CACHD1: variants seen among roughly 807,000 people sequenced by gnomAD.
CACHD1 encodes the protein VWFA and cache domain-containing protein 1.
A neutral mutation model predicts 138.7 loss-of-function variants in CACHD1; 71 were observed. That is an observed-to-expected ratio of 0.51 (90% CI 0.42 to 0.62). The LOEUF (loss-of-function observed/expected upper bound fraction) is 0.62, where lower values mean the gene tolerates loss of function less well. CACHD1 is among the 20% of genes least tolerant of loss of function. The pLI is 0.00. For synonymous variants in CACHD1, 578 were observed against 591.5 expected (o/e 0.98, Z 0.33); for missense variants, 1,389 against 1,625.3 (o/e 0.85, Z 2.50).
intron 4 of CACHD1, among the ~76,000 whole-genome samples, chr1:64,624,716 C>T (rs1648037067): frequency 6.6e-6 from 1 of 152,186 alleles, no homozygotes; most frequent in Non-Finnish European, 1.5e-5. Flanking sequence ...AACAAGCTCC[C>T]TGAGCCTGTT....
intron 1 of CACHD1, among the ~76,000 whole-genome samples, chr1:64,483,367 A>T (rs1646222157): frequency 6.6e-6 from 1 of 152,168 alleles, no homozygotes; most frequent in East Asian, 1.9e-4. Flanking sequence ...TTGAACACAG[A>T]CTATGTGCCA....
intron 1 of CACHD1, among the ~76,000 whole-genome samples, chr1:64,541,945 G>T (rs901833585): frequency 1.3e-5 from 2 of 150,884 alleles, no homozygotes; most frequent in African/African-American, 4.9e-5. Flanking sequence ...AGTCTTAAAG[G>T]ATTAACTATA....
intron 1 of CACHD1, among the ~76,000 whole-genome samples, chr1:64,516,055 AT>A (rs1457428249): frequency 4.6e-5 from 7 of 152,332 alleles, no homozygotes; most frequent in African/African-American, 9.6e-5. Flanking sequence ...TCTGAAAAAA[AT>A]ATTTGTATAT....
intron 1 of CACHD1, among the ~76,000 whole-genome samples, chr1:64,511,386 G>A (rs1646419624): frequency 6.6e-6 from 1 of 152,100 alleles, no homozygotes; most frequent in Admixed American, 6.6e-5. Context: ...TAGCATGCTA[G>A]GATCATGAGA....
chr1:64,659,793 C>T (rs760446953), intron 13 of CACHD1, among the ~76,000 whole-genome samples: 21 of 152,114 alleles, frequency 1.4e-4, no homozygotes, highest in Admixed American at 3.3e-4. Flanking sequence ...CAGTTAATAA[C>T]GAAGAATCAT....
At chr1:64,529,660 T>C (rs1370370728) in intron 1 of CACHD1, among the ~76,000 whole-genome samples, 1 of 152,234 alleles carries the variant, frequency 6.6e-6, no homozygotes, top group Non-Finnish European at 1.5e-5. Context: ...GGGAAGGAAC[T>C]TAGGGCTTAG....
intron 4 of CACHD1, among the ~76,000 whole-genome samples, chr1:64,626,041 G>A (rs1033501903): frequency 1.3e-5 from 2 of 152,186 alleles, no homozygotes; most frequent in Non-Finnish European, 2.9e-5. Context: ...TAAGTTTCTG[G>A]GAGTGGGCAG....
At chr1:64,570,288 G>A (rs1422826151) in intron 2 of CACHD1, among the ~76,000 whole-genome samples, 1 of 152,162 alleles carries the variant, frequency 6.6e-6, no homozygotes, top group Non-Finnish European at 1.5e-5. Flanking sequence ...GAAATAACAT[G>A]TGGTGTGGTA....
At chr1:64,539,238 A>G (rs1249016121) in intron 1 of CACHD1, among the ~76,000 whole-genome samples, 1 of 152,232 alleles carries the variant, frequency 6.6e-6, no homozygotes, top group Non-Finnish European at 1.5e-5. Context: ...CATGTGGAAT[A>G]TAAACATTCT....
At chr1:64,681,406 T>C in intron 25 of CACHD1, 71 bp downstream of exon 25, 4 of 1,250,560 alleles carry the variant, frequency 3.2e-6, no homozygotes, top group Admixed American at 1.8e-5. Context: ...TTCTTTCTTA[T>C]ATCCTTTTGG....
intron 14 of CACHD1, 59 bp from the exon 15 acceptor site, chr1:64,664,439 C>A: frequency 6.6e-7 from 1 of 1,511,652 alleles, no homozygotes; most frequent in Non-Finnish European, 9.1e-7. Flanking sequence ...TGCCAGCAGC[C>A]CACTCTCTTT....
chr1:64,615,889 T>C, intron 4 of CACHD1, among the ~76,000 whole-genome samples: 1 of 152,202 alleles, frequency 6.6e-6, no homozygotes, highest in African/African-American at 2.4e-5. Flanking sequence ...TAGTACCTCA[T>C]AAACCATTTT....
intron 8 of CACHD1, among the ~76,000 whole-genome samples, chr1:64,643,036 T>TG (rs1648774372): frequency 3.0e-5 from 1 of 33,342 alleles, no homozygotes; most frequent in African/African-American, 8.1e-5. Context: ...AGACTCTGTC[T>TG]AAAAAAAAAA....
chr1:64,681,541 G>GTGTTTTTTTT (rs1650182277), intron 25 of CACHD1, among the ~76,000 whole-genome samples: 1 of 68,132 alleles, frequency 1.5e-5, no homozygotes, highest in African/African-American at 7.3e-5. Context: ...ATTTTATTGT[G>GTGTTTTTTTT]TTTTTTTTTT....
chr1:64,503,043 T>C (rs1646348731), intron 1 of CACHD1, among the ~76,000 whole-genome samples: 1 of 152,238 alleles, frequency 6.6e-6, no homozygotes, highest in South Asian at 2.1e-4. Flanking sequence ...TTCCATCTGA[T>C]AGAGCCGAAC....
chr1:64,576,100 A>G (rs1646964901), intron 2 of CACHD1, among the ~76,000 whole-genome samples: 1 of 152,224 alleles, frequency 6.6e-6, no homozygotes. Context: ...TTGACCCAAA[A>G]GATGACAAGA....
intron 8 of CACHD1, among the ~76,000 whole-genome samples, chr1:64,643,214 T>TA (rs1415625595): frequency 6.6e-6 from 1 of 152,122 alleles, no homozygotes; most frequent in Non-Finnish European, 1.5e-5. Context: ...GGAATGGCTT[T>TA]AAAATGCAGA....
At chr1:64,600,364 C>G (rs1187985802) in intron 3 of CACHD1, among the ~76,000 whole-genome samples, 1 of 152,214 alleles carries the variant, frequency 6.6e-6, no homozygotes, top group Non-Finnish European at 1.5e-5. Context: ...TCACCCCAGA[C>G]TCACTAAATC....
At chr1:64,578,699 C>A (rs565414060) in intron 2 of CACHD1, among the ~76,000 whole-genome samples, 13 of 152,300 alleles carry the variant, frequency 8.5e-5, no homozygotes, top group African/African-American at 3.1e-4. Flanking sequence ...GGAAGACATG[C>A]TAAGCTGGGG....
Sources: gnomAD v4.1 joint callset for allele counts (sites outside exome capture counted in the v4.1 genomes callset) on GRCh38, gnomAD v4.1.1 for gene constraint, MANE v1.5 for transcripts, NCBI Gene and HGNC (gene_info 2026-07-23, HGNC 2026-07-21) for gene names.